The following SEMA3D variants were observed in gnomAD, a reference collection of about 807,000 sequenced individuals.
SEMA3D encodes semaphorin-3D.
A neutral mutation model predicts 100.1 loss-of-function variants in SEMA3D; 84 were observed. That is an observed-to-expected ratio of 0.84 (90% CI 0.70 to 1.01). The LOEUF is 1.01. SEMA3D is among the 50% of genes least tolerant of loss of function. SEMA3D has a pLI of 0.00. For missense variants in SEMA3D, 875 were observed against 934.1 expected (o/e 0.94, Z 0.82); for synonymous variants, 312 against 320.7 (o/e 0.97, Z 0.29).
the SEMA3D span, among the ~76,000 whole-genome samples, chr7:85,238,383 A>G: frequency 6.6e-6 from 1 of 152,154 alleles, no homozygotes; most frequent in African/African-American, 2.4e-5. Flanking sequence ...GTTCTTATGA[A>G]GGGTGTAAAA....
intron 2 of SEMA3D, among the ~76,000 whole-genome samples, chr7:85,146,572 TA>T (rs1790212041): frequency 6.6e-6 from 1 of 151,252 alleles, no homozygotes; most frequent in Non-Finnish European, 1.5e-5. Flanking sequence ...TATATATATA[TA>T]TTTTTTACTT....
chr7:85,074,617 A>G (rs1791869755), intron 5 of SEMA3D, among the ~76,000 whole-genome samples: 1 of 150,110 alleles, frequency 6.7e-6, no homozygotes, highest in Non-Finnish European at 1.5e-5. Flanking sequence ...CAATGTTTCA[A>G]CTGGCATATA....
At chr7:85,009,698 G>A (rs1652786599) in intron 17 of SEMA3D, among the ~76,000 whole-genome samples, 1 of 151,688 alleles carries the variant, frequency 6.6e-6, no homozygotes, top group East Asian at 1.9e-4. Context: ...CCCAATCTAT[G>A]TGAGGTCTTT....
intron 12 of SEMA3D, among the ~76,000 whole-genome samples, chr7:85,034,102 G>A (rs1277781291): frequency 2.6e-5 from 4 of 151,968 alleles, no homozygotes; most frequent in African/African-American, 9.7e-5. Context: ...GTACCTGTCG[G>A]TGCCTGACAT....
intron 4 of SEMA3D, among the ~76,000 whole-genome samples, chr7:85,093,875 A>C (rs943717094): frequency 2.6e-5 from 4 of 152,162 alleles, no homozygotes; most frequent in Admixed American, 2.6e-4. Context: ...ACTATCAGCT[A>C]GGACATCTGA....
chr7:85,144,685 T>G, intron 2 of SEMA3D: 1 of 985,296 alleles, frequency 1.0e-6, no homozygotes, highest in Non-Finnish European at 1.2e-6. Flanking sequence ...AGCCCAAAAT[T>G]AAAGCTGTGT....
intron 8 of SEMA3D, among the ~76,000 whole-genome samples, 176 bp downstream of exon 8, chr7:85,065,248 A>G (rs866932471): frequency 3.3e-5 from 5 of 152,332 alleles, no homozygotes; most frequent in East Asian, 1.9e-4. Flanking sequence ...ATTATGTATT[A>G]CTATATAAAC....
At chr7:85,249,446 G>A in the SEMA3D span, among the ~76,000 whole-genome samples, 5 of 152,106 alleles carry the variant, frequency 3.3e-5, no homozygotes, top group Non-Finnish European at 7.4e-5. Context: ...TAAAGAATGG[G>A]CTTTAGTTAA....
At chr7:85,138,675 T>TTAA in intron 2 of SEMA3D, among the ~76,000 whole-genome samples, 1 of 147,004 alleles carries the variant, frequency 6.8e-6, no homozygotes, top group African/African-American at 2.5e-5. Context: ...TTAAATTAAA[T>TTAA]ATATATAATT....
the SEMA3D span, among the ~76,000 whole-genome samples, chr7:85,225,627 A>G: frequency 6.6e-6 from 1 of 152,170 alleles, no homozygotes; most frequent in East Asian, 1.9e-4. Context: ...TAATTGACAG[A>G]AAAATTGTGA....
At chr7:85,176,089 A>G (rs1379446878) in intron 1 of SEMA3D, among the ~76,000 whole-genome samples, 2 of 152,106 alleles carry the variant, frequency 1.3e-5, no homozygotes, top group Admixed American at 1.3e-4. Context: ...GGTAGACAAC[A>G]TGAGTCTATA....
At chr7:85,221,854 G>C in the SEMA3D span, among the ~76,000 whole-genome samples, 1 of 151,944 alleles carries the variant, frequency 6.6e-6, no homozygotes, top group African/African-American at 2.4e-5. Context: ...TATAATTATA[G>C]AATTTCAATC....
At chr7:85,138,644 A>G (rs944424901) in intron 2 of SEMA3D, among the ~76,000 whole-genome samples, 2 of 111,030 alleles carry the variant, frequency 1.8e-5, no homozygotes, top group African/African-American at 8.8e-5. Flanking sequence ...TAAATTATAT[A>G]TATTTAATTT....
chr7:85,101,091 G>A (rs1451380464), intron 3 of SEMA3D, among the ~76,000 whole-genome samples: 1 of 151,890 alleles, frequency 6.6e-6, no homozygotes, highest in Admixed American at 6.6e-5. Flanking sequence ...TTGTAAAGTA[G>A]AACTGAGAAG....
At chr7:85,171,011 T>A (rs917057190) in intron 1 of SEMA3D, among the ~76,000 whole-genome samples, 38 of 152,054 alleles carry the variant, frequency 2.5e-4, no homozygotes, top group Non-Finnish European at 7.4e-5. Context: ...TCTCAATATA[T>A]AAGTATACTA....
the SEMA3D span, among the ~76,000 whole-genome samples, chr7:85,242,525 T>A: frequency 6.6e-6 from 1 of 152,202 alleles, no homozygotes; most frequent in African/African-American, 2.4e-5. Flanking sequence ...TAGTTTAATT[T>A]CATTGTGGCC....
At chr7:85,144,766 AT>A in intron 2 of SEMA3D, 1 of 622,996 alleles carries the variant, frequency 1.6e-6, no homozygotes, top group Non-Finnish European at 2.0e-6. Context: ...AAATAATAAT[AT>A]TTCATAGAAT....
chr7:85,202,788 T>C, the SEMA3D span, among the ~76,000 whole-genome samples: 3 of 151,364 alleles, frequency 2.0e-5, no homozygotes, highest in African/African-American at 4.9e-5. Flanking sequence ...AAAACCACAG[T>C]GAGATACCAT....
intron 8 of SEMA3D, among the ~76,000 whole-genome samples, chr7:85,063,869 G>A (rs144652793): frequency 1.3e-5 from 2 of 152,270 alleles, no homozygotes; most frequent in Non-Finnish European, 2.9e-5. Context: ...TGAGCAAGGC[G>A]TTCATCATCC....
Sources: gnomAD v4.1 joint callset for allele counts (sites outside exome capture counted in the v4.1 genomes callset) on GRCh38, gnomAD v4.1.1 for gene constraint, MANE v1.5 for transcripts, NCBI Gene and HGNC (gene_info 2026-07-23, HGNC 2026-07-21) for gene names.